Variants in PPP3CA observed in about 807,000 individuals in gnomAD.
The protein encoded by PPP3CA is CAM-PRP catalytic subunit.
A neutral mutation model predicts 66.5 loss-of-function variants in PPP3CA; 14 were observed. That is an observed-to-expected ratio of 0.21 (90% CI 0.14 to 0.33). The LOEUF (loss-of-function observed/expected upper bound fraction) is 0.33. Ranked by LOEUF, PPP3CA falls within the 10% of genes least tolerant of loss-of-function variation. The pLI, the probability that PPP3CA is intolerant of heterozygous loss-of-function variation, is 1.00. For missense variants in PPP3CA, 317 were observed against 639.5 expected, an observed-to-expected ratio of 0.50 and a Z score of 5.44; for synonymous variants, 232 against 226.2, an observed-to-expected ratio of 1.03 and a Z score of -0.23.
At chr4:101,315,901 G>A (rs181355195) in intron 1 of PPP3CA, among the ~76,000 whole-genome samples, 7 of 152,162 alleles carry the variant, frequency 4.6e-5, no homozygotes, top group East Asian at 1.9e-4. Context: ...CCATGGTTTC[G>A]GACTGCTGAA....
chr4:101,071,605 G>A (rs6851551), intron 8 of PPP3CA, among the ~76,000 whole-genome samples: 2,108 of 152,226 alleles, frequency 0.014, 54 homozygotes, highest in African/African-American at 0.048. Context: ...ACTTTAAGAT[G>A]GATTTTTTGA....
chr4:101,120,450 GC>G (rs1416011921), intron 2 of PPP3CA, among the ~76,000 whole-genome samples: 1 of 151,914 alleles, frequency 6.6e-6, no homozygotes, highest in East Asian at 1.9e-4. Flanking sequence ...ACGGGTTTAG[GC>G]CTTAGGTCTC....
intron 2 of PPP3CA, chr4:101,171,349 T>TAAA: frequency 2.8e-4 from 35 of 125,212 alleles, no homozygotes; most frequent in South Asian, 4.6e-4. Flanking sequence ...AACAATTCTT[T>TAAA]CAAAAAAAAA....
At chr4:101,157,382 A>G (rs1337868073) in intron 2 of PPP3CA, among the ~76,000 whole-genome samples, 1 of 152,192 alleles carries the variant, frequency 6.6e-6, no homozygotes, top group East Asian at 1.9e-4. Context: ...TGTGTCAAGA[A>G]GAAGACAATA....
In PPP3CA at chr4:101,346,955, G is replaced by C; in HGVS notation, c.-159C>G. ...TAGGCTCTGAGCTGGCTTTAAAGTT[G>C]CTGCCTTTTCCGCGCGTCCCTCCTC... On this transcript the variant is annotated 5_prime_UTR_variant, in exon 1 of 14. Transcript: ENST00000394854. The C allele has an allele frequency of 1.2e-6, 1 of 810,012 alleles. No homozygotes were observed. Among genetic ancestry groups the C allele is most frequent in the Non-Finnish European group, 1.9e-6 (1 of 516,338 alleles). 50.2% of individuals were successfully genotyped at this position (810,012 alleles called of 1,614,324 possible). A position where few individuals can be genotyped will look rare whatever the true frequency, so the allele number is the denominator to read the frequency against.
At chr4:101,054,120 G>T (rs1009315405) in intron 10 of PPP3CA, among the ~76,000 whole-genome samples, 12 of 151,310 alleles carry the variant, frequency 7.9e-5, no homozygotes, top group African/African-American at 1.7e-4. Flanking sequence ...ATCTAAATGG[G>T]TTTTTTTTCT....
chr4:101,250,779 A>C (rs6532922), intron 1 of PPP3CA, among the ~76,000 whole-genome samples: 100,910 of 151,818 alleles, frequency 0.66, 34,452 homozygotes, highest in Middle Eastern at 0.75. Flanking sequence ...CCAACTATTA[A>C]ATTTTTAATA....
intron 1 of PPP3CA, among the ~76,000 whole-genome samples, chr4:101,226,121 C>CT (rs1175008219): frequency 6.6e-6 from 1 of 151,702 alleles, no homozygotes; most frequent in Non-Finnish European, 1.5e-5. Context: ...GTAGGAAGGT[C>CT]TTTAACACTA....
chr4:101,213,355 G>A (rs1392237003), intron 1 of PPP3CA, among the ~76,000 whole-genome samples: 2 of 152,114 alleles, frequency 1.3e-5, no homozygotes, highest in African/African-American at 2.4e-5. Context: ...AATAGTATGT[G>A]ACTGTAGTCG....
chr4:101,143,612 C>T (rs538039725), intron 2 of PPP3CA, among the ~76,000 whole-genome samples: 1 of 152,168 alleles, frequency 6.6e-6, no homozygotes, highest in South Asian at 2.1e-4. Flanking sequence ...TTCTTGAGTC[C>T]ACCTCTCCTC....
chr4:101,080,495 T>C (rs1211992585), intron 8 of PPP3CA, 37 bp downstream of exon 8: 2 of 1,106,724 alleles, frequency 1.8e-6, no homozygotes, highest in South Asian at 2.3e-5. Context: ...ATTACACATA[T>C]TATGTAAGAC....
chr4:101,118,486 G>T (rs1418292433), intron 2 of PPP3CA, among the ~76,000 whole-genome samples: 1 of 137,236 alleles, frequency 7.3e-6, no homozygotes, highest in Non-Finnish European at 1.6e-5. Flanking sequence ...TATCACAAGG[G>T]TTTGCTATTA....
Position 101,027,933 on chromosome 4 carries a change from A to G in PPP3CA, c.1369+1233T>C, listed in dbSNP as rs1726737386. Among the ~76,000 whole-genome samples, 3 of 152,356 alleles carry G rather than the reference A, an allele frequency of 2.0e-5. No individual in the cohort carries two copies. The South Asian group carries it at 6.2e-4, about 32-fold the overall frequency. ...ATTGGTAGTATACTTAACACAACACAGAGTCACAGAAACCACAGAAAACAG... is the reference window on the plus strand; with the variant it reads ...ATTGGTAGTATACTTAACACAACACGGAGTCACAGAAACCACAGAAAACAG... On this transcript the variant is annotated intron_variant, in intron 13 of 13. Coordinates refer to ENST00000394854, the MANE Select transcript of PPP3CA (RefSeq NM_000944.5).
rs551940866 is a variant in PPP3CA at position 101,234,042 on chromosome 4, C to A, written c.59-37926G>T. 4.0e-3 allele frequency among the ~76,000 whole-genome samples: 604 copies of A among 151,882 alleles called. 4 individuals are homozygous for A. The highest frequency in any genetic ancestry group is 7.0e-3 in the Non-Finnish European group (475 of 67,842). On this transcript the variant is annotated intron_variant, in intron 1 of 13. Coordinates refer to ENST00000394854, the MANE Select transcript of PPP3CA (RefSeq NM_000944.5). ...TCAGTTTGCTAAAGATAATGGGCTG[C>A]AGCACAATCCATGTTCCTGCAAAGG... is the stretch of plus-strand genomic sequence containing the variant.
At chr4:101,200,309 G>T (rs550958444) in intron 1 of PPP3CA, among the ~76,000 whole-genome samples, 2 of 152,268 alleles carry the variant, frequency 1.3e-5, no homozygotes, top group East Asian at 1.9e-4. Context: ...CAGTCAATTT[G>T]CAAAGACATT....
intron 6 of PPP3CA, among the ~76,000 whole-genome samples, chr4:101,084,532 A>T (rs1182492635): frequency 1.3e-5 from 2 of 151,458 alleles, no homozygotes; most frequent in Non-Finnish European, 2.9e-5. Context: ...AATCCCAACT[A>T]CTCGGGAGGC....
intron 2 of PPP3CA, among the ~76,000 whole-genome samples, chr4:101,124,690 AAAGAAAG>A (rs1370382198): frequency 2.1e-5 from 2 of 93,710 alleles, no homozygotes; most frequent in African/African-American, 9.5e-5. Context: ...AGAAAGAAAG[AAAGAAAG>A]AAAGAAAGAA....
intron 5 of PPP3CA, among the ~76,000 whole-genome samples, chr4:101,094,423 A>G: frequency 6.6e-6 from 1 of 152,246 alleles, no homozygotes; most frequent in East Asian, 1.9e-4. Flanking sequence ...ATTTTTTTAT[A>G]TTTAAGAACA....
chr4:101,295,354 T>C (rs914581991), intron 1 of PPP3CA, among the ~76,000 whole-genome samples: 3 of 152,010 alleles, frequency 2.0e-5, no homozygotes, highest in Non-Finnish European at 4.4e-5. Context: ...ACTCATATTT[T>C]AGTGGCTTCA....
Sources: gnomAD v4.1 joint callset for allele counts (sites outside exome capture counted in the v4.1 genomes callset) on GRCh38, gnomAD v4.1.1 for gene constraint, MANE v1.5 for transcripts, NCBI Gene and HGNC (gene_info 2026-07-23, HGNC 2026-07-21) for gene names.